The following NCK2 variants were observed in gnomAD, a reference collection of about 807,000 sequenced individuals.
NCK2 encodes NCK adaptor protein 2, also known as cytoplasmic protein NCK2.
NCK2 carries 16 observed loss-of-function variants against 33.9 expected under a neutral mutation model. The ratio of observed to expected loss-of-function variants is 0.47; its 90% CI spans 0.32 to 0.72. The LOEUF is 0.72. Among genes scored for constraint, NCK2 ranks in the 30% least tolerant of loss-of-function variants. The pLI is 0.03. For missense variants in NCK2, 418 were observed against 537.3 expected (o/e 0.78, Z 2.19); for synonymous variants, 273 against 239.9 (o/e 1.14, Z -1.27).
chr2:105,865,308 C>T (rs562449848), intron 3 of NCK2, among the ~76,000 whole-genome samples: 5 of 152,282 alleles, frequency 3.3e-5, no homozygotes, highest in African/African-American at 1.2e-4. Flanking sequence ...ATAATAGCCT[C>T]ATTTTGCATG....
At position 105,893,243 on chromosome 2, in the gene NCK2, G is replaced by T; in HGVS notation, c.*67G>T. On this transcript the variant is annotated 3_prime_UTR_variant, in exon 5 of 5. Coordinates refer to ENST00000233154, the MANE Select transcript of NCK2 (RefSeq NM_003581.5). ...GAGCTGCCCGCCCGGCCTTGTGGCA[G>T]AGGCTCCTCCCGCGGGGACGGCCCC... 6.9e-7 allele frequency: 1 copy of T among 1,458,210 alleles called. No individual in the cohort carries two copies. Among genetic ancestry groups the T allele is most frequent in the Non-Finnish European group, 9.2e-7 (1 of 1,085,704 alleles). 90.3% of individuals were successfully genotyped at this position (1,458,210 alleles called of 1,614,324 possible).
intron 2 of NCK2, among the ~76,000 whole-genome samples, chr2:105,839,884 G>T (rs1166873683): frequency 6.6e-6 from 1 of 152,214 alleles, no homozygotes; most frequent in African/African-American, 2.4e-5. Flanking sequence ...GGAAGGGTCA[G>T]CAAGGGACAG....
intron 4 of NCK2, among the ~76,000 whole-genome samples, chr2:105,891,379 A>G (rs1678969752): frequency 1.3e-5 from 2 of 151,828 alleles, no homozygotes. Flanking sequence ...ATGCACACAC[A>G]TGTATCCAGG....
chr2:105,764,330 C>T (rs1689863912), intron 1 of NCK2, among the ~76,000 whole-genome samples: 1 of 152,234 alleles, frequency 6.6e-6, no homozygotes, highest in Non-Finnish European at 1.5e-5. Flanking sequence ...ATTATTTTAG[C>T]CCCACAGCTC....
intron 1 of NCK2, among the ~76,000 whole-genome samples, chr2:105,766,225 C>T (rs1343897606): frequency 2.0e-5 from 3 of 152,126 alleles, no homozygotes; most frequent in Non-Finnish European, 4.4e-5. Context: ...GGACTTCCCA[C>T]CTGGGAAAGT....
chr2:105,778,422 G>C (rs964516517), intron 1 of NCK2, among the ~76,000 whole-genome samples: 2 of 152,192 alleles, frequency 1.3e-5, no homozygotes, highest in African/African-American at 4.8e-5. Context: ...CATCCTCTGT[G>C]GCGTGGGAAG....
At position 105,893,230 on chromosome 2, in the gene NCK2, C is replaced by G. The variant is rs77936916; in HGVS notation, c.*54C>G. 2.1e-3 allele frequency: 3,195 copies of G among 1,498,032 alleles called. 54 individuals are homozygous for G. In the African/African-American group the frequency reaches 0.039, roughly 18 times the overall value. The allele number at this position is 1,498,032 out of a possible 1,614,324, so 92.8% of individuals were successfully genotyped here. On this transcript the variant is annotated 3_prime_UTR_variant, in exon 5 of 5. Coordinates refer to ENST00000233154, the MANE Select transcript of NCK2 (RefSeq NM_003581.5). Reference sequence around the variant, plus strand: ...GGGCCCCACGGTGGAGCTGCCCGCCCGGCCTTGTGGCAGAGGCTCCTCCCG... The same window carrying G: ...GGGCCCCACGGTGGAGCTGCCCGCCGGGCCTTGTGGCAGAGGCTCCTCCCG...
chr2:105,750,072 C>CACACACAA (rs1689408554), intron 1 of NCK2, among the ~76,000 whole-genome samples: 1 of 64,948 alleles, frequency 1.5e-5, no homozygotes, highest in South Asian at 4.8e-4. Flanking sequence ...ACACACAAAA[C>CACACACAA]AACAACAACA....
At chr2:105,776,934 CAT>C (rs2104392631) in intron 1 of NCK2, among the ~76,000 whole-genome samples, 1 of 151,402 alleles carries the variant, frequency 6.6e-6, no homozygotes, top group South Asian at 2.1e-4. Context: ...CTAGGGGTTT[CAT>C]ATAGGCAGAA....
chr2:105,795,492 TATTCCAAAAGAGTTAGAAAATACATGG>T (rs1691046421), intron 1 of NCK2, among the ~76,000 whole-genome samples: 1 of 152,246 alleles, frequency 6.6e-6, no homozygotes, highest in Non-Finnish European at 1.5e-5. Flanking sequence ...ATTTGAGTCA[TATTCCAAAAGAGTTAGAAAATACATGG>T]ATATTCCTGT....
In NCK2 at chr2:105,798,677, G is replaced by A. The variant is rs180947118; in HGVS notation, c.-200-17753G>A. Among the ~76,000 whole-genome samples, 276 of 152,316 alleles carry A rather than the reference G, an allele frequency of 1.8e-3. 1 individual carries two copies. Among genetic ancestry groups the A allele is most frequent in the African/African-American group, 6.3e-3 (262 of 41,580 alleles). ...ACCCACTGAGGTTGCTGGTGATTAA[G>A]TTTATGTGGACGGTGAATCTCAACA... On this transcript the variant is annotated intron_variant, in intron 1 of 4. Transcript: ENST00000233154.
At chr2:105,781,950 G>A (rs1690511638) in intron 1 of NCK2, among the ~76,000 whole-genome samples, 1 of 152,154 alleles carries the variant, frequency 6.6e-6, no homozygotes, top group South Asian at 2.1e-4. Context: ...ACATACAGCT[G>A]TCAGTTTCTT....
intron 3 of NCK2, among the ~76,000 whole-genome samples, chr2:105,869,251 AC>A (rs377630103): frequency 1.1e-4 from 17 of 152,092 alleles, no homozygotes; most frequent in African/African-American, 2.2e-4. Flanking sequence ...AAAGTGCCAC[AC>A]CGGATCCTGC....
chr2:105,878,538 T>C (rs1678329729), intron 3 of NCK2, among the ~76,000 whole-genome samples: 1 of 152,200 alleles, frequency 6.6e-6, no homozygotes, highest in Admixed American at 6.5e-5. Context: ...AGAGAGGCCT[T>C]GCAAGGAACC....
chr2:105,881,649 G>T lies in NCK2; in HGVS notation c.548G>T (p.Arg183Leu), dbSNP rs754330998. 5 of 1,613,124 alleles carry T rather than the reference G, an allele frequency of 3.1e-6. No individual in the cohort carries two copies. The highest frequency in any genetic ancestry group is 1.7e-5 in the Admixed American group (1 of 59,986). ...GAGTCCCCAAGCTTCCTGAGCCTGCGCAAGGGCGCCTCGCTGAGCAATGGC... is the reference window on the plus strand; with the variant it reads ...GAGTCCCCAAGCTTCCTGAGCCTGCTCAAGGGCGCCTCGCTGAGCAATGGC... ...AAESPSFLSL[R>L]KGASLSNGQG... The change falls in exon 4 of 5, where the codon CGC becomes CTC. Residue 183 changes from arginine to leucine, a missense_variant. By Grantham distance (102) the Arg-to-Leu change is moderately radical. Coordinates refer to ENST00000233154, the MANE Select transcript of NCK2 (RefSeq NM_003581.5).
In NCK2 at chr2:105,893,259, GGACGGCCCC is replaced by G. The variant is rs988820882; in HGVS notation, c.*90_*98del. 5 of 1,339,622 alleles carry G rather than the reference GGACGGCCCC, an allele frequency of 3.7e-6. No individual in the cohort carries two copies. The highest frequency in any genetic ancestry group is 5.0e-6 in the Non-Finnish European group (5 of 992,452). 83.0% of individuals were successfully genotyped at this position (1,339,622 alleles called of 1,614,324 possible). On this transcript the variant is annotated 3_prime_UTR_variant, in exon 5 of 5. Transcript: ENST00000233154. ...CTTGTGGCAGAGGCTCCTCCCGCGG[GGACGGCCCC>G]GACGGCTTCTCTGCGAGTCTCTCTT...
intron 1 of NCK2, among the ~76,000 whole-genome samples, chr2:105,781,474 A>G (rs1183127136): frequency 7.9e-5 from 12 of 152,204 alleles, no homozygotes; most frequent in Admixed American, 7.8e-4. Context: ...CTTCTAGTCC[A>G]TGTACGTCTG....
At chr2:105,776,958 G>A (rs879317061) in intron 1 of NCK2, among the ~76,000 whole-genome samples, 5 of 151,308 alleles carry the variant, frequency 3.3e-5, no homozygotes, top group Non-Finnish European at 7.4e-5. Context: ...CTAGTATGGG[G>A]AGTGGCTTCA....
intron 1 of NCK2, among the ~76,000 whole-genome samples, chr2:105,799,242 A>C (rs949090078): frequency 6.7e-6 from 1 of 148,260 alleles, no homozygotes; most frequent in Non-Finnish European, 1.5e-5. Flanking sequence ...TCCCTCTTTT[A>C]TGGTTTCTGG....
Sources: allele counts gnomAD v4.1 joint callset (sites outside exome capture counted in the v4.1 genomes callset), GRCh38; gene constraint gnomAD v4.1.1; transcripts MANE v1.5; gene names NCBI Gene and HGNC (gene_info 2026-07-23, HGNC 2026-07-21).